The following CTIF variants were observed in gnomAD, a reference collection of about 807,000 sequenced individuals.
The protein encoded by CTIF is CBP80/20-dependent translation initiation factor.
A neutral mutation model predicts 66.0 loss-of-function variants in CTIF; 21 were observed. The ratio of observed to expected loss-of-function variants is 0.32; its 90% confidence interval spans 0.23 to 0.46. The LOEUF (loss-of-function observed/expected upper bound fraction) is 0.46. CTIF is among the 20% of genes least tolerant of loss of function. The pLI, the probability that CTIF is intolerant of heterozygous loss-of-function variation, is 1.00. For synonymous variants in CTIF, 345 were observed against 326.4 expected (o/e 1.06, Z -0.62); for missense variants, 739 against 812.7 (o/e 0.91, Z 1.10).
intron 7 of CTIF, among the ~76,000 whole-genome samples, chr18:48,743,033 T>C (rs1276250019): frequency 6.6e-6 from 1 of 152,224 alleles, no homozygotes; most frequent in African/African-American, 2.4e-5. Flanking sequence ...TTACCCATAA[T>C]GGACAGTTGG....
chr18:48,726,486 CTG>C (rs1401150237), intron 7 of CTIF, among the ~76,000 whole-genome samples: 1 of 152,126 alleles, frequency 6.6e-6, no homozygotes, highest in Non-Finnish European at 1.5e-5. Flanking sequence ...GAAGGCATGA[CTG>C]GGGCTGGAGA....
intron 2 of CTIF, among the ~76,000 whole-genome samples, chr18:48,628,310 G>T (rs2090639352): frequency 6.6e-6 from 1 of 152,164 alleles, no homozygotes; most frequent in African/African-American, 2.4e-5. Context: ...AATGAGCTGG[G>T]TGCTGCTTTA....
intron 1 of CTIF, among the ~76,000 whole-genome samples, chr18:48,551,059 G>A (rs761161883): frequency 6.6e-6 from 1 of 151,044 alleles, no homozygotes; most frequent in Non-Finnish European, 1.5e-5. Context: ...CCTCAGAACT[G>A]GATTGGTGGC....
intron 7 of CTIF, among the ~76,000 whole-genome samples, chr18:48,725,769 G>A (rs1418239599): frequency 1.3e-5 from 2 of 152,168 alleles, no homozygotes; most frequent in Non-Finnish European, 2.9e-5. Flanking sequence ...CCACGTGTGG[G>A]AGGTAGGTGA....
intron 1 of CTIF, among the ~76,000 whole-genome samples, chr18:48,574,552 G>A (rs182188861): frequency 7.1e-4 from 108 of 152,310 alleles, no homozygotes; most frequent in African/African-American, 2.4e-3. Context: ...GCCCAGGGCC[G>A]CTTGGGACCC....
chr18:48,610,252 G>A (rs899552418), intron 1 of CTIF, among the ~76,000 whole-genome samples: 1 of 152,220 alleles, frequency 6.6e-6, no homozygotes, highest in Non-Finnish European at 1.5e-5. Context: ...GGCAGCCTGG[G>A]TTTGGTGCCA....
chr18:48,546,156 C>A (rs1218228445), intron 1 of CTIF, among the ~76,000 whole-genome samples: 1 of 152,180 alleles, frequency 6.6e-6, no homozygotes, highest in Non-Finnish European at 1.5e-5. Flanking sequence ...GCTGTAACAA[C>A]CCCAGGGAAG....
chr18:48,658,500 ATG>A (rs2091283070), intron 3 of CTIF, among the ~76,000 whole-genome samples: 1 of 151,768 alleles, frequency 6.6e-6, no homozygotes, highest in African/African-American at 2.4e-5. Flanking sequence ...ATATGCATGT[ATG>A]TGTGTAGTAT....
chr18:48,597,132 A>G (rs1169117695), intron 1 of CTIF, among the ~76,000 whole-genome samples: 1 of 152,236 alleles, frequency 6.6e-6, no homozygotes, highest in Non-Finnish European at 1.5e-5. Flanking sequence ...TGAACGAAGA[A>G]GTGTAACATC....
chr18:48,833,295 G>A (rs1216623978), intron 10 of CTIF, among the ~76,000 whole-genome samples: 9 of 152,306 alleles, frequency 5.9e-5, no homozygotes, highest in South Asian at 2.1e-4. Flanking sequence ...GGGAGGCCTC[G>A]TGGGGCCTGG....
intron 6 of CTIF, among the ~76,000 whole-genome samples, chr18:48,709,453 A>G (rs937352745): frequency 3.3e-5 from 5 of 152,208 alleles, no homozygotes; most frequent in African/African-American, 9.7e-5. Context: ...GGTAGGTTAG[A>G]GCCCAGGGCT....
intron 1 of CTIF, among the ~76,000 whole-genome samples, chr18:48,552,299 G>A (rs907581169): frequency 6.6e-6 from 1 of 152,238 alleles, no homozygotes; most frequent in Admixed American, 6.5e-5. Flanking sequence ...CCAGTGAGAA[G>A]ACAAACTGAG....
At chr18:48,636,749 G>T in intron 3 of CTIF, 64 bp downstream of exon 3, 7 of 1,350,278 alleles carry the variant, frequency 5.2e-6, no homozygotes, top group South Asian at 1.6e-5. Flanking sequence ...GGGTTCCTGG[G>T]CCGGCCCACA....
At chr18:48,753,853 C>A (rs951801778) in intron 7 of CTIF, among the ~76,000 whole-genome samples, 6 of 152,212 alleles carry the variant, frequency 3.9e-5, no homozygotes, top group African/African-American at 1.4e-4. Context: ...TTGCTGGGAG[C>A]AAAAGCGGCT....
intron 9 of CTIF, among the ~76,000 whole-genome samples, chr18:48,774,370 C>A (rs1052676935): frequency 1.3e-5 from 2 of 152,118 alleles, no homozygotes; most frequent in African/African-American, 4.8e-5. Flanking sequence ...CCCTGTACAC[C>A]GCCAGAGTGC....
At chr18:48,684,214 T>C (rs1455042338) in intron 6 of CTIF, among the ~76,000 whole-genome samples, 2 of 152,182 alleles carry the variant, frequency 1.3e-5, no homozygotes, top group Admixed American at 1.3e-4. Context: ...CATGCCTTCA[T>C]GGGGAGGTGG....
At chr18:48,790,344 C>A (rs1315234080) in intron 9 of CTIF, among the ~76,000 whole-genome samples, 1 of 152,200 alleles carries the variant, frequency 6.6e-6, no homozygotes, top group Non-Finnish European at 1.5e-5. Context: ...GAGCAAAGGT[C>A]CATGGCAAGG....
chr18:48,842,380 A>G (rs1200870214), intron 10 of CTIF, among the ~76,000 whole-genome samples: 2 of 152,170 alleles, frequency 1.3e-5, no homozygotes, highest in African/African-American at 4.8e-5. Flanking sequence ...CCCGTTTCAT[A>G]GAACGCAGGC....
intron 11 of CTIF, among the ~76,000 whole-genome samples, chr18:48,859,116 C>T (rs575543589): frequency 2.4e-4 from 37 of 152,284 alleles, no homozygotes; most frequent in South Asian, 2.3e-3. Flanking sequence ...AGGCAATATT[C>T]GGATCCCTCT....
Sources: gnomAD v4.1 joint callset for allele counts (sites outside exome capture counted in the v4.1 genomes callset) on GRCh38, gnomAD v4.1.1 for gene constraint, MANE v1.5 for transcripts, NCBI Gene and HGNC (gene_info 2026-07-23, HGNC 2026-07-21) for gene names.